SCN8A: variants seen among roughly 807,000 people sequenced by gnomAD.
SCN8A encodes sodium voltage-gated channel alpha subunit 8.
A neutral mutation model predicts 184.1 loss-of-function variants in SCN8A; 30 were observed. The observed-to-expected ratio is 0.16, with a 90% confidence interval of 0.12 to 0.22. SCN8A has a LOEUF of 0.22. SCN8A is among the 10% of genes least tolerant of loss of function. The probability of loss-of-function intolerance (pLI) is 1.00; values close to 1 mark genes in which losing one functional copy is unlikely to be tolerated. For synonymous variants in SCN8A, 852 were observed against 907.0 expected (o/e 0.94, Z 1.09); for missense variants, 1,057 against 2,498.9 (o/e 0.42, Z 12.30).
chr12:51,701,006 A>G (rs1941677865), intron 7 of SCN8A, 138 bp from the exon 8 acceptor site: 1 of 505,476 alleles, frequency 2.0e-6, no homozygotes, highest in Admixed American at 3.6e-5. Flanking sequence ...AATTCTTATC[A>G]GCTGTCACAG....
At chr12:51,729,581 C>T (rs1304489090) in intron 12 of SCN8A, among the ~76,000 whole-genome samples, 30 of 152,004 alleles carry the variant, frequency 2.0e-4, no homozygotes, top group Non-Finnish European at 2.9e-4. Flanking sequence ...ATAGATGTTC[C>T]GGTTGCTTCC....
intron 1 of SCN8A, among the ~76,000 whole-genome samples, chr12:51,642,179 CT>C (rs1227082217): frequency 1.3e-5 from 2 of 152,034 alleles, no homozygotes; most frequent in Non-Finnish European, 2.9e-5. Flanking sequence ...ACCTATTGTT[CT>C]TTTCAGCATG....
At chr12:51,669,790 T>G (rs1206174976) in intron 2 of SCN8A, among the ~76,000 whole-genome samples, 1 of 152,180 alleles carries the variant, frequency 6.6e-6, no homozygotes, top group East Asian at 1.9e-4. Flanking sequence ...TCAGCTTAAG[T>G]GATACATACA....
At chr12:51,633,997 G>A (rs1940258077) in intron 1 of SCN8A, among the ~76,000 whole-genome samples, 1 of 152,104 alleles carries the variant, frequency 6.6e-6, no homozygotes, top group Non-Finnish European at 1.5e-5. Flanking sequence ...ATGGCAATCT[G>A]GACAAGAATG....
chr12:51,806,445 C>T lies in SCN8A; in HGVS notation c.4959C>T (p.Asn1653=). The change falls in exon 27 of 27, where the codon AAC becomes AAT. Residue 1653 remains asparagine, a synonymous_variant. Coordinates refer to ENST00000627620, the MANE Select transcript of SCN8A (RefSeq NM_001330260.2). This position sits in a 1 kb window ranked among gnomAD's most constrained non-coding sequence, Gnocchi z 8.7. The part of the protein sequence containing the change: ...ALMMSLPALF[N]IGLLLFLVMF... ...TGATGTCCTTGCCTGCCCTGTTCAACATCGGCCTTCTGCTCTTCCTGGTCA... is the reference window on the plus strand; with the variant it reads ...TGATGTCCTTGCCTGCCCTGTTCAATATCGGCCTTCTGCTCTTCCTGGTCA... 1 of 1,614,242 alleles carries T rather than the reference C, an allele frequency of 6.2e-7. No homozygotes were observed. Among genetic ancestry groups the T allele is most frequent in the Non-Finnish European group, 8.5e-7 (1 of 1,180,044 alleles).
At chr12:51,773,680 T>A (rs995283956) in intron 19 of SCN8A, among the ~76,000 whole-genome samples, 1 of 152,248 alleles carries the variant, frequency 6.6e-6, no homozygotes, top group East Asian at 1.9e-4. Flanking sequence ...TGAAAGCATG[T>A]CTACCTAAAA....
chr12:51,681,572 G>A (rs973065747), intron 2 of SCN8A, among the ~76,000 whole-genome samples: 5 of 152,150 alleles, frequency 3.3e-5, no homozygotes, highest in Non-Finnish European at 1.5e-5. Context: ...CTCAGCCCTC[G>A]ATATGTTTCA....
chr12:51,782,978 A>AT (rs1429203163), intron 21 of SCN8A, among the ~76,000 whole-genome samples: 1 of 152,298 alleles, frequency 6.6e-6, no homozygotes, highest in African/African-American at 2.4e-5. Flanking sequence ...CTACATCAAG[A>AT]TTTTTTTCGG....
At chr12:51,702,989 A>G (rs2138742771) in intron 9 of SCN8A, 75 bp downstream of exon 9, 3 of 1,373,276 alleles carry the variant, frequency 2.2e-6, no homozygotes, top group East Asian at 5.0e-5. Context: ...TCTGTGTGAG[A>G]GACATTTAGT....
intron 1 of SCN8A, among the ~76,000 whole-genome samples, chr12:51,627,211 A>G (rs1162462244): frequency 5.3e-5 from 8 of 152,186 alleles, no homozygotes; most frequent in South Asian, 2.1e-4. Context: ...TCCTCTTTCT[A>G]AAGCCTCAGT....
intron 20 of SCN8A, among the ~76,000 whole-genome samples, chr12:51,779,271 A>C (rs1354257229): frequency 6.6e-6 from 1 of 151,748 alleles, no homozygotes; most frequent in Non-Finnish European, 1.5e-5. Flanking sequence ...CTGGAGTTTG[A>C]CTAACTAAAG....
intron 26 of SCN8A, among the ~76,000 whole-genome samples, chr12:51,796,474 T>C (rs1344192919): frequency 6.6e-6 from 1 of 152,252 alleles, no homozygotes; most frequent in Non-Finnish European, 1.5e-5. Context: ...GAAGATGTTT[T>C]TGATGATGGG....
chr12:51,779,401 G>A (rs1937824457), intron 20 of SCN8A, among the ~76,000 whole-genome samples: 1 of 152,148 alleles, frequency 6.6e-6, no homozygotes, highest in Non-Finnish European at 1.5e-5. Flanking sequence ...TGAGAGCTCT[G>A]GTAGAACAAG....
chr12:51,722,941 T>C (rs930545609), intron 12 of SCN8A: 4 of 152,232 alleles, frequency 2.6e-5, no homozygotes, highest in African/African-American at 9.6e-5. Flanking sequence ...ATACCTCTAA[T>C]TTCTAACTTT....
chr12:51,621,780 G>A (rs1939968610), intron 1 of SCN8A, among the ~76,000 whole-genome samples: 1 of 152,198 alleles, frequency 6.6e-6, no homozygotes, highest in Non-Finnish European at 1.5e-5. Context: ...AGAGGCCTGA[G>A]TTCTGCGATG....
chr12:51,621,554 A>G lies in SCN8A; in HGVS notation c.-55+30195A>G, dbSNP rs1939963403. Reference sequence around the variant, plus strand: ...AGAGCCTATGCAGTTATTTGGCCACAGACTAGGACATTGCTAGTATATTAT... The same window carrying G: ...AGAGCCTATGCAGTTATTTGGCCACGGACTAGGACATTGCTAGTATATTAT... On this transcript the variant is annotated intron_variant, in intron 1 of 26. Transcript: ENST00000627620. Among the ~76,000 whole-genome samples the G allele has an allele frequency of 2.6e-5, 4 of 152,258 alleles. No individual in the cohort carries two copies. The South Asian group carries it at 8.3e-4, about 31-fold the overall frequency.
Position 51,751,365 on chromosome 12 carries a change from G to A in SCN8A, c.2142G>A (p.Glu714=). Residue 714 remains glutamate (E), a synonymous_variant, in exon 14 of 27, where the codon GAG becomes GAA. Coordinates refer to ENST00000627620, the MANE Select transcript of SCN8A (RefSeq NM_001330260.2). The stretch of plus-strand genomic sequence containing the variant: ...TCTTACTTACTGTAGAACTGGAAGA[G>A]TCTCAGAGAAAGTGCCCGCCATGCT... ...VTNTLVEELE[E]SQRKCPPCWY... 6.2e-7 allele frequency: 1 copy of A among 1,612,852 alleles called. No homozygotes were observed. Among genetic ancestry groups the A allele is most frequent in the South Asian group, 1.1e-5 (1 of 90,968 alleles).
At chr12:51,679,531 G>A (rs1036429703) in intron 2 of SCN8A, among the ~76,000 whole-genome samples, 1 of 152,128 alleles carries the variant, frequency 6.6e-6, no homozygotes, top group Non-Finnish European at 1.5e-5. Flanking sequence ...AGTTACAGGG[G>A]TAAGTTGTTT....
At chr12:51,731,039 G>A (rs942849212) in intron 12 of SCN8A, among the ~76,000 whole-genome samples, 1 of 152,138 alleles carries the variant, frequency 6.6e-6, no homozygotes, top group East Asian at 1.9e-4. Flanking sequence ...GTAAATGACA[G>A]GATCTCAGTC....
Sources: allele counts gnomAD v4.1 joint callset (sites outside exome capture counted in the v4.1 genomes callset), GRCh38; gene constraint gnomAD v4.1.1; non-coding constraint Gnocchi (gnomAD v3.1); transcripts MANE v1.5; gene names NCBI Gene and HGNC (gene_info 2026-07-23, HGNC 2026-07-21).